Variants in TFAP2B observed in about 807,000 individuals in gnomAD.
The protein encoded by TFAP2B is transcription factor AP-2-beta.
Under a neutral mutation model 44.3 loss-of-function variants are expected in TFAP2B, and 9 were observed. The ratio of observed to expected loss-of-function variants is 0.20; its 90% CI spans 0.12 to 0.35. TFAP2B has a LOEUF of 0.35. Among genes scored for constraint, TFAP2B ranks in the 10% least tolerant of loss-of-function variants. TFAP2B has a pLI of 1.00. For synonymous variants in TFAP2B, 270 were observed against 263.8 expected (o/e 1.02, Z -0.23); for missense variants, 509 against 600.0 (o/e 0.85, Z 1.59).
At chr6:50,825,368 G>A (rs1270907083) in intron 2 of TFAP2B, among the ~76,000 whole-genome samples, 1 of 151,948 alleles carries the variant, frequency 6.6e-6, no homozygotes. Context: ...TCTGAGTATG[G>A]TTCAAAGTGC....
At chr6:50,822,129 T>C (rs934603250) in intron 1 of TFAP2B, 4 of 1,303,852 alleles carry the variant, frequency 3.1e-6, no homozygotes, top group African/African-American at 1.5e-5. Context: ...GGCTTTTTTT[T>C]CCAGATGTTA....
intron 2 of TFAP2B, 51 bp from the exon 3 acceptor site, chr6:50,828,568 C>A: frequency 6.6e-7 from 1 of 1,512,780 alleles, no homozygotes; most frequent in Non-Finnish European, 9.2e-7. Context: ...TTTATGTGTG[C>A]AATTCTTTAA....
intron 1 of TFAP2B, 101 bp downstream of exon 1, chr6:50,819,073 G>T: frequency 8.2e-7 from 1 of 1,212,508 alleles, no homozygotes; most frequent in Non-Finnish European, 1.2e-6. Flanking sequence ...TTTACTCGTA[G>T]ATTTCCGGTC....
rs997504303 is a variant in TFAP2B at position 50,845,691 on chromosome 6, T to C, written c.*2299T>C. ...ACCACACTGAAAACGATCGTCTCCT[T>C]TCCTTGCAGGGCAACGCGCCCCACG... On this transcript the variant is annotated 3_prime_UTR_variant, in exon 7 of 7. Transcript: ENST00000393655. 1 of 152,732 alleles carries C rather than the reference T, an allele frequency of 6.5e-6. No individual in the cohort carries two copies. Among genetic ancestry groups the C allele is most frequent in the Non-Finnish European group, 1.5e-5 (1 of 68,130 alleles). 9.5% of individuals were successfully genotyped at this position (152,732 alleles called of 1,614,324 possible).
rs1009026884 is a variant in TFAP2B, at chr6:50,824,826, A to T, written c.540+961A>T. Among the ~76,000 whole-genome samples the T allele has an allele frequency of 2.0e-5, 3 of 152,244 alleles. No individual in the cohort carries two copies. In the South Asian group the frequency reaches 6.2e-4, roughly 31 times the overall value. On this transcript the variant is annotated intron_variant, in intron 2 of 6. Coordinates refer to ENST00000393655, the MANE Select transcript of TFAP2B (RefSeq NM_003221.4). ...AACATCAAAGAAATGATTCCTAAAA[A>T]CTGTTTGGGTGATTCTGAGCAGGTC...
intron 1 of TFAP2B, 21 bp from the exon 2 acceptor site, chr6:50,823,386 C>T (rs769155091): frequency 6.4e-7 from 1 of 1,563,082 alleles, no homozygotes; most frequent in Non-Finnish European, 8.7e-7. Context: ...GCTCTCTTCC[C>T]CTTCCTCTCT....
chr6:50,827,182 A>G (rs1047391472), intron 2 of TFAP2B, among the ~76,000 whole-genome samples: 2 of 152,150 alleles, frequency 1.3e-5, no homozygotes, highest in Non-Finnish European at 2.9e-5. Context: ...GGCACAGGAG[A>G]ATATTTCTGT....
At chr6:50,822,227 G>T in intron 1 of TFAP2B, 1 of 1,219,936 alleles carries the variant, frequency 8.2e-7, no homozygotes, top group South Asian at 1.3e-5. Flanking sequence ...CTGTCTCTGC[G>T]TCTCTGTGTG....
At chr6:50,829,838 G>T (rs1770626145) in intron 3 of TFAP2B, among the ~76,000 whole-genome samples, 1 of 152,220 alleles carries the variant, frequency 6.6e-6, no homozygotes, top group Non-Finnish European at 1.5e-5. Context: ...GCTTTGAAAG[G>T]TGGGTGGGGG....
intron 6 of TFAP2B, among the ~76,000 whole-genome samples, chr6:50,840,961 C>T (rs1338953934): frequency 1.3e-5 from 2 of 152,252 alleles, no homozygotes; most frequent in Non-Finnish European, 2.9e-5. Context: ...GCACGTTTCT[C>T]TTGCAGGCGC....
At chr6:50,836,887 G>A (rs1762634302) in intron 4 of TFAP2B, among the ~76,000 whole-genome samples, 1 of 152,170 alleles carries the variant, frequency 6.6e-6, no homozygotes, top group African/African-American at 2.4e-5. Context: ...CACTTTAGAA[G>A]TATTTATAGG....
intron 5 of TFAP2B, among the ~76,000 whole-genome samples, chr6:50,839,559 G>A (rs1041480333): frequency 6.6e-6 from 1 of 152,134 alleles, no homozygotes; most frequent in African/African-American, 2.4e-5. Context: ...TCCTGAAGTA[G>A]GAGGATGATG....
chr6:50,842,917 A>T (rs995890942), intron 6 of TFAP2B, among the ~76,000 whole-genome samples, 175 bp from the exon 7 acceptor site: 4 of 152,174 alleles, frequency 2.6e-5, no homozygotes, highest in Non-Finnish European at 5.9e-5. Context: ...CTTTCCTTTC[A>T]GTCCCAGCTG....
chr6:50,823,028 A>G (rs1323127161), intron 1 of TFAP2B, among the ~76,000 whole-genome samples: 1 of 152,214 alleles, frequency 6.6e-6, no homozygotes, highest in African/African-American at 2.4e-5. Flanking sequence ...CACCATATGT[A>G]AGACTCCTAC....
intron 2 of TFAP2B, among the ~76,000 whole-genome samples, chr6:50,827,866 T>G (rs1026494880): frequency 3.3e-5 from 5 of 152,182 alleles, no homozygotes; most frequent in East Asian, 1.9e-4. Context: ...AATGAAACTG[T>G]GGCACAGAAG....
intron 3 of TFAP2B, among the ~76,000 whole-genome samples, chr6:50,829,470 T>A (rs950840311): frequency 6.6e-6 from 1 of 152,244 alleles, no homozygotes; most frequent in Non-Finnish European, 1.5e-5. Context: ...TTAGTGTAGC[T>A]GCTAAAAGGC....
chr6:50,834,404 T>C (rs1762578987), intron 3 of TFAP2B, among the ~76,000 whole-genome samples: 1 of 152,210 alleles, frequency 6.6e-6, no homozygotes. Context: ...GACAGATCCA[T>C]AGATCCTAAA....
Position 50,823,847 on chromosome 6 carries a change from C to T in TFAP2B, c.522C>T (p.Pro174=), listed in dbSNP as rs886061565. 5 of 1,556,668 alleles carry T rather than the reference C, an allele frequency of 3.2e-6. No homozygotes were observed. In the African/African-American group the frequency reaches 4.1e-5, roughly 13 times the overall value. ...DSLSLHGLGH[P]GMEDVQSVED... Reference sequence around the variant, plus strand: ...TCTCGCTGCACGGCCTCGGCCATCCCGGAATGGAAGACGTCCAGGTAACCA... The same window carrying T: ...TCTCGCTGCACGGCCTCGGCCATCCTGGAATGGAAGACGTCCAGGTAACCA... Residue 174 remains proline (P), a synonymous_variant, in exon 2 of 7, where the codon CCC becomes CCT. Coordinates refer to ENST00000393655, the MANE Select transcript of TFAP2B (RefSeq NM_003221.4).
In TFAP2B at chr6:50,844,727, T is replaced by A. The variant is rs1356846265; in HGVS notation, c.*1335T>A. 1 of 152,390 alleles carries A rather than the reference T, an allele frequency of 6.6e-6. No individual in the cohort carries two copies. The highest frequency in any genetic ancestry group is 6.5e-5 in the Admixed American group (1 of 15,288). 9.4% of individuals were successfully genotyped at this position (152,390 alleles called of 1,614,324 possible). A position where few individuals can be genotyped will look rare whatever the true frequency, so the allele number is the denominator to read the frequency against. Reference sequence around the variant, plus strand: ...GTATTGCCCTGCATTTAAAATTGATTTGATTTCCCTGGGTTCTTTGGTGAT... The same window carrying A: ...GTATTGCCCTGCATTTAAAATTGATATGATTTCCCTGGGTTCTTTGGTGAT... On this transcript the variant is annotated 3_prime_UTR_variant, in exon 7 of 7. Transcript: ENST00000393655.
Sources: gnomAD v4.1 joint callset for allele counts (sites outside exome capture counted in the v4.1 genomes callset) on GRCh38, gnomAD v4.1.1 for gene constraint, MANE v1.5 for transcripts, NCBI Gene and HGNC (gene_info 2026-07-23, HGNC 2026-07-21) for gene names.